IRAK1BP1: variants seen among roughly 807,000 people sequenced by gnomAD.
The protein encoded by IRAK1BP1 is interleukin-1 receptor-associated kinase 1-binding protein 1.
Under a neutral mutation model 28.0 loss-of-function variants are expected in IRAK1BP1, and 24 were observed. The ratio of observed to expected loss-of-function variants is 0.86; its 90% CI spans 0.62 to 1.20. The LOEUF (loss-of-function observed/expected upper bound fraction) is 1.20, where lower values mean the gene tolerates loss of function less well. IRAK1BP1 is among the 50% of genes most tolerant of loss of function. The pLI, the probability that IRAK1BP1 is intolerant of heterozygous loss-of-function variation, is 0.00. For missense variants in IRAK1BP1, 336 were observed against 316.7 expected, an observed-to-expected ratio of 1.06 and a Z score of -0.46; for synonymous variants, 131 against 116.3, an observed-to-expected ratio of 1.13 and a Z score of -0.81.
chr6:78,970,165 T>C, the IRAK1BP1 span: 1 of 1,611,408 alleles, frequency 6.2e-7, no homozygotes, highest in Non-Finnish European at 8.5e-7. Flanking sequence ...TTTTCATAAG[T>C]TCTTGTTCCT....
At chr6:78,954,985 A>T in the IRAK1BP1 span, 1 of 1,500,196 alleles carries the variant, frequency 6.7e-7, no homozygotes, top group Non-Finnish European at 8.9e-7. Context: ...GTGTTCAAAT[A>T]TATTAATAAA....
At chr6:78,869,835 G>A (rs1355322590) in intron 1 of IRAK1BP1, among the ~76,000 whole-genome samples, 1 of 151,410 alleles carries the variant, frequency 6.6e-6, no homozygotes, top group Non-Finnish European at 1.5e-5. Flanking sequence ...TGAGCCGGGC[G>A]TGGTGGCTCA....
chr6:78,887,093 A>G (rs1205985878), intron 2 of IRAK1BP1, among the ~76,000 whole-genome samples: 1 of 152,240 alleles, frequency 6.6e-6, no homozygotes, highest in Non-Finnish European at 1.5e-5. Flanking sequence ...AGCAAACACT[A>G]GAGCCTAATG....
At chr6:78,893,184 C>T (rs747413554) in intron 2 of IRAK1BP1, among the ~76,000 whole-genome samples, 2 of 150,832 alleles carry the variant, frequency 1.3e-5, no homozygotes, top group Non-Finnish European at 3.0e-5. Context: ...ATATTATCTA[C>T]AAAGGAACAA....
chr6:78,930,686 C>A (rs1480149220), intron 4 of IRAK1BP1, among the ~76,000 whole-genome samples: 1 of 152,136 alleles, frequency 6.6e-6, no homozygotes, highest in African/African-American at 2.4e-5. Flanking sequence ...TCCCAGCACA[C>A]TTTGAGAGGC....
rs1479944319 is a variant in IRAK1BP1 at position 78,937,163 on chromosome 6, TA to T, written c.*68-8242del. On this transcript the variant is annotated intron_variant and NMD_transcript_variant, in intron 4 of 4. Coordinates refer to the IRAK1BP1 transcript ENST00000606868. ...TTGGTCCTTTCAACCTACTCAAAAA[TA>T]AATTTCAGGTAACAAAAACATTCAG... The T allele has an allele frequency of 2.0e-5, 3 of 151,842 alleles. No homozygotes were observed. In the East Asian group the frequency reaches 5.8e-4, roughly 29 times the overall value. 9.4% of individuals were successfully genotyped at this position (151,842 alleles called of 1,614,324 possible). A position where few individuals can be genotyped will look rare whatever the true frequency, so the allele number is the denominator to read the frequency against.
At chr6:78,880,414 C>G (rs902174811) in intron 1 of IRAK1BP1, among the ~76,000 whole-genome samples, 1 of 152,120 alleles carries the variant, frequency 6.6e-6, no homozygotes, top group Non-Finnish European at 1.5e-5. Context: ...GATGCTCAAC[C>G]TGTGTTACCA....
the IRAK1BP1 span, among the ~76,000 whole-genome samples, chr6:78,952,209 A>G: frequency 6.6e-6 from 1 of 152,044 alleles, no homozygotes; most frequent in Non-Finnish European, 1.5e-5. Context: ...TCACAAGGTC[A>G]AGAGATTGAG....
At chr6:78,925,337 A>AG (rs1451045552) in intron 4 of IRAK1BP1, among the ~76,000 whole-genome samples, 2 of 152,130 alleles carry the variant, frequency 1.3e-5, no homozygotes, top group Admixed American at 1.3e-4. Flanking sequence ...AAAATCCACA[A>AG]GCAAAAAAAC....
intron 1 of IRAK1BP1, chr6:78,872,096 AC>A (rs1374887497): frequency 1.4e-6 from 1 of 699,958 alleles, no homozygotes; most frequent in Non-Finnish European, 2.6e-6. Context: ...ATGGAAAGAG[AC>A]CCCAGCATCT....
downstream of IRAK1BP1, chr6:78,946,926 T>C (rs189569036): frequency 7.7e-4 from 877 of 1,137,290 alleles, 11 homozygotes; most frequent in Admixed American, 6.6e-3. Flanking sequence ...AAAATACCTT[T>C]GTTCAGTAAA....
intron 1 of IRAK1BP1, among the ~76,000 whole-genome samples, chr6:78,880,364 G>A (rs1370017852): frequency 1.3e-5 from 2 of 152,106 alleles, no homozygotes; most frequent in Non-Finnish European, 2.9e-5. Context: ...AACAAGTTTT[G>A]AATTTTTGAG....
At chr6:78,933,587 C>A (rs1773141538) in intron 4 of IRAK1BP1, among the ~76,000 whole-genome samples, 1 of 152,054 alleles carries the variant, frequency 6.6e-6, no homozygotes, top group Admixed American at 6.5e-5. Flanking sequence ...TGCACTCCAG[C>A]CTGGGCAACA....
intron 4 of IRAK1BP1, among the ~76,000 whole-genome samples, chr6:78,924,724 T>C (rs2127667576): frequency 6.6e-6 from 1 of 152,302 alleles, no homozygotes; most frequent in Non-Finnish European, 1.5e-5. Flanking sequence ...TCCACCATGA[T>C]CAAGTGGGCT....
chr6:78,945,395 T>C, intron 4 of IRAK1BP1: 1 of 1,613,216 alleles, frequency 6.2e-7, no homozygotes, highest in Non-Finnish European at 8.5e-7. Flanking sequence ...CTTTTCCATG[T>C]TTTCTTTTGC....
At chr6:78,897,404 G>T (rs55755815) in intron 2 of IRAK1BP1, among the ~76,000 whole-genome samples, 68,242 of 151,646 alleles carry the variant, frequency 0.45, 15,997 homozygotes, top group East Asian at 0.69. Context: ...TCCACATATA[G>T]ATCTGAACAG....
the IRAK1BP1 span, among the ~76,000 whole-genome samples, chr6:78,964,404 A>G: frequency 6.6e-6 from 1 of 152,204 alleles, no homozygotes; most frequent in Non-Finnish European, 1.5e-5. Context: ...CTCAATTAAT[A>G]AAAGATTATT....
chr6:78,970,714 G>C, the IRAK1BP1 span: 1 of 1,001,774 alleles, frequency 1.0e-6, no homozygotes, highest in Non-Finnish European at 1.5e-6. Flanking sequence ...AGTAACCTTT[G>C]ATACAATTTT....
intron 1 of IRAK1BP1, among the ~76,000 whole-genome samples, chr6:78,880,616 GA>G (rs1311843617): frequency 1.1e-4 from 17 of 152,106 alleles, no homozygotes; most frequent in Admixed American, 1.1e-3. Context: ...TAGACTGGGA[GA>G]AAATATTTGT....
Sources: allele counts gnomAD v4.1 joint callset (sites outside exome capture counted in the v4.1 genomes callset), GRCh38; gene constraint gnomAD v4.1.1; transcripts MANE v1.5; gene names NCBI Gene and HGNC (gene_info 2026-07-23, HGNC 2026-07-21).